LSAMP: variants seen among roughly 807,000 people sequenced by gnomAD.
The protein encoded by LSAMP is limbic system-associated membrane protein.
Under a neutral mutation model 38.6 loss-of-function variants are expected in LSAMP, and 7 were observed. The ratio of observed to expected loss-of-function variants is 0.18; its 90% CI spans 0.10 to 0.34. The LOEUF (loss-of-function observed/expected upper bound fraction) is 0.34, where lower values mean the gene tolerates loss of function less well. Among genes scored for constraint, LSAMP ranks in the 10% least tolerant of loss-of-function variants. The pLI is 1.00. For missense variants in LSAMP, 313 were observed against 420.0 expected (o/e 0.75, Z 2.23); for synonymous variants, 154 against 166.8 (o/e 0.92, Z 0.59).
At chr3:116,190,996 A>C (rs914969974) in intron 1 of LSAMP, among the ~76,000 whole-genome samples, 1 of 152,212 alleles carries the variant, frequency 6.6e-6, no homozygotes, top group Non-Finnish European at 1.5e-5. Context: ...TGCCAGGCTC[A>C]GTGGATACTT....
At chr3:116,375,809 T>A (rs1400371933) in intron 1 of LSAMP, among the ~76,000 whole-genome samples, 3 of 151,952 alleles carry the variant, frequency 2.0e-5, no homozygotes, top group Non-Finnish European at 2.9e-5. Flanking sequence ...ATCATTCGAC[T>A]CTCTTTAGTG....
At chr3:116,256,748 T>A (rs1324307575) in intron 1 of LSAMP, among the ~76,000 whole-genome samples, 4 of 152,032 alleles carry the variant, frequency 2.6e-5, no homozygotes, top group Non-Finnish European at 5.9e-5. Flanking sequence ...TTTCTATGAG[T>A]GGAATAATTC....
intron 3 of LSAMP, among the ~76,000 whole-genome samples, chr3:115,918,169 G>A (rs936835002): frequency 1.1e-4 from 16 of 152,092 alleles, no homozygotes; most frequent in Non-Finnish European, 2.4e-4. Context: ...TTTTTCCAGT[G>A]CCATTAAGAC....
chr3:116,444,965 G>A lies in LSAMP; in HGVS notation c.67C>T (p.Leu23Phe). Residue 23 changes from leucine (L) to phenylalanine (F), a missense_variant, in exon 1 of 7, where the codon CTT becomes TTT. Leu to Phe is a conservative substitution (Grantham distance 22, BLOSUM62 0). Coordinates refer to ENST00000490035, the MANE Select transcript of LSAMP (RefSeq NM_002338.5). The stretch of plus-strand genomic sequence containing the variant: ...CTGCGAACAGGCAGTCCTGTGGGAA[G>A]AAGGCAGAGCAATCTCAGTAGGACC... ...PLVLLRLLCL[L>F]PTGLPVRSVD... The A allele has an allele frequency of 6.2e-7, 1 of 1,614,102 alleles. No individual in the cohort carries two copies. The highest frequency in any genetic ancestry group is 8.5e-7 in the Non-Finnish European group (1 of 1,180,028).
chr3:116,122,512 T>G (rs994973051), intron 1 of LSAMP, among the ~76,000 whole-genome samples: 1 of 152,190 alleles, frequency 6.6e-6, no homozygotes, highest in Non-Finnish European at 1.5e-5. Context: ...TTACCATTCT[T>G]CAATACTTAT....
intron 3 of LSAMP, among the ~76,000 whole-genome samples, chr3:115,969,734 T>G (rs898673144): frequency 6.6e-5 from 10 of 152,204 alleles, no homozygotes; most frequent in Admixed American, 5.9e-4. Flanking sequence ...AGCTAGATAT[T>G]ATTAATCATA....
chr3:116,316,452 G>A (rs1234476494), intron 1 of LSAMP, among the ~76,000 whole-genome samples: 1 of 152,158 alleles, frequency 6.6e-6, no homozygotes, highest in Non-Finnish European at 1.5e-5. Flanking sequence ...AAAGTTGGGA[G>A]AAAAGTTAGG....
chr3:116,370,719 G>T (rs1252537091), intron 1 of LSAMP, among the ~76,000 whole-genome samples: 2 of 152,130 alleles, frequency 1.3e-5, no homozygotes, highest in Non-Finnish European at 2.9e-5. Context: ...CGTGGTTGTT[G>T]CATGTCCCCT....
At chr3:116,144,908 GT>G (rs1287989479) in intron 1 of LSAMP, among the ~76,000 whole-genome samples, 1 of 151,800 alleles carries the variant, frequency 6.6e-6, no homozygotes, top group Admixed American at 6.6e-5. Flanking sequence ...AAATAATATA[GT>G]TGGTTATAGA....
At chr3:116,214,742 A>T (rs149183310) in intron 1 of LSAMP, among the ~76,000 whole-genome samples, 6,014 of 152,096 alleles carry the variant, frequency 0.04, 150 homozygotes, top group Non-Finnish European at 0.06. Context: ...ACCTCAAGTG[A>T]TCTGCCTGCC....
At chr3:116,179,636 A>AG (rs1312590413) in intron 1 of LSAMP, among the ~76,000 whole-genome samples, 1 of 152,100 alleles carries the variant, frequency 6.6e-6, no homozygotes, top group Non-Finnish European at 1.5e-5. Flanking sequence ...AAGAGAGTGA[A>AG]GGGGGAGGTG....
intron 1 of LSAMP, among the ~76,000 whole-genome samples, chr3:116,183,444 C>T (rs538231609): frequency 2.0e-5 from 3 of 151,812 alleles, no homozygotes; most frequent in Non-Finnish European, 4.4e-5. Flanking sequence ...AACACATACA[C>T]AGGTATTAGG....
chr3:116,175,792 A>T (rs1352941214), intron 1 of LSAMP, among the ~76,000 whole-genome samples: 2 of 152,114 alleles, frequency 1.3e-5, no homozygotes, highest in East Asian at 1.9e-4. Context: ...TGTGAAAAAG[A>T]CATTTCTATG....
At chr3:116,423,744 AAG>A (rs1275466465) in intron 1 of LSAMP, among the ~76,000 whole-genome samples, 1 of 152,192 alleles carries the variant, frequency 6.6e-6, no homozygotes, top group African/African-American at 2.4e-5. Flanking sequence ...ACACGAGAGA[AAG>A]AGAGAGACTG....
chr3:116,271,719 T>TA (rs1345091990), intron 1 of LSAMP, among the ~76,000 whole-genome samples: 3 of 152,116 alleles, frequency 2.0e-5, no homozygotes, highest in African/African-American at 7.2e-5. Flanking sequence ...GGACAAGGCA[T>TA]AAAATGCAAC....
Position 116,090,726 on chromosome 3 carries a change from C to T in LSAMP, c.156-4170G>A, listed in dbSNP as rs905015390. 1.1e-4 allele frequency among the ~76,000 whole-genome samples: 17 copies of T among 151,936 alleles called. 1 individual carries two copies. The highest frequency in any genetic ancestry group is 4.4e-5 in the Non-Finnish European group (3 of 67,984). On this transcript the variant is annotated intron_variant, in intron 1 of 6. Coordinates refer to ENST00000490035, the MANE Select transcript of LSAMP (RefSeq NM_002338.5). Reference sequence around the variant, plus strand: ...GGAGACATCACACGTTGGTAGGATCCGTGATGCCCCACAAGCCACAAAAAC... The same window carrying T: ...GGAGACATCACACGTTGGTAGGATCTGTGATGCCCCACAAGCCACAAAAAC...
chr3:115,865,883 T>A (rs1265069125), intron 3 of LSAMP, among the ~76,000 whole-genome samples: 1 of 152,174 alleles, frequency 6.6e-6, no homozygotes. Flanking sequence ...AGTATTTAGA[T>A]CAGGAAAGAC....
chr3:116,126,153 G>A (rs1709004036), intron 1 of LSAMP, among the ~76,000 whole-genome samples: 1 of 152,178 alleles, frequency 6.6e-6, no homozygotes, highest in African/African-American at 2.4e-5. Context: ...GAAAAATCAT[G>A]ACCAAACAGG....
intron 1 of LSAMP, among the ~76,000 whole-genome samples, chr3:116,301,155 G>A (rs990905987): frequency 6.6e-6 from 1 of 152,026 alleles, no homozygotes; most frequent in Non-Finnish European, 1.5e-5. Context: ...GATCATTTTA[G>A]TGTAAATATG....
Sources: gnomAD v4.1 joint callset for allele counts (sites outside exome capture counted in the v4.1 genomes callset) on GRCh38, gnomAD v4.1.1 for gene constraint, MANE v1.5 for transcripts, NCBI Gene and HGNC (gene_info 2026-07-23, HGNC 2026-07-21) for gene names.